FHIT: variants seen among roughly 807,000 people sequenced by gnomAD.
The protein encoded by FHIT is bis(5'-adenosyl)-triphosphatase.
Under a neutral mutation model 17.9 loss-of-function variants are expected in FHIT, and 19 were observed. The ratio of observed to expected loss-of-function variants is 1.06; its 90% CI spans 0.74 to 1.56. The LOEUF (loss-of-function observed/expected upper bound fraction) is 1.56, where lower values mean the gene tolerates loss of function less well. Among genes scored for constraint, FHIT ranks in the 40% most tolerant of loss-of-function variants. FHIT has a pLI of 0.00. For missense variants in FHIT, 248 were observed against 189.2 expected (o/e 1.31, Z -1.82); for synonymous variants, 81 against 69.7 (o/e 1.16, Z -0.81).
chr3:60,504,733 T>C (rs2034660005), intron 5 of FHIT, among the ~76,000 whole-genome samples: 1 of 152,182 alleles, frequency 6.6e-6, no homozygotes. Flanking sequence ...GATTTTTTAA[T>C]TGTGAGAAGG....
At chr3:60,641,528 G>A (rs2039724322) in intron 4 of FHIT, among the ~76,000 whole-genome samples, 2 of 152,248 alleles carry the variant, frequency 1.3e-5, no homozygotes, top group African/African-American at 2.4e-5. Flanking sequence ...TGACAAGCAT[G>A]AAAAGAATGA....
intron 2 of FHIT, among the ~76,000 whole-genome samples, chr3:61,166,426 A>G (rs1005998864): frequency 1.3e-5 from 2 of 152,162 alleles, no homozygotes; most frequent in African/African-American, 2.4e-5. Context: ...CACCAGACAC[A>G]CTGTAGAGTA....
intron 5 of FHIT, among the ~76,000 whole-genome samples, chr3:60,393,427 T>C (rs938342246): frequency 6.7e-6 from 1 of 149,620 alleles, no homozygotes; most frequent in Admixed American, 6.7e-5. Context: ...TATATAATTT[T>C]ACATATAACT....
chr3:60,602,319 C>T (rs2038469738), intron 4 of FHIT, among the ~76,000 whole-genome samples: 1 of 152,140 alleles, frequency 6.6e-6, no homozygotes, highest in African/African-American at 2.4e-5. Context: ...GAAAATCAGC[C>T]TGGCCTCACA....
chr3:59,916,015 T>C (rs1245602211), intron 8 of FHIT, among the ~76,000 whole-genome samples: 1 of 152,058 alleles, frequency 6.6e-6, no homozygotes, highest in African/African-American at 2.4e-5. Flanking sequence ...GTCAACTTGA[T>C]TGGACTGAAG....
At chr3:59,847,028 T>C (rs948984745) in intron 8 of FHIT, among the ~76,000 whole-genome samples, 6 of 152,192 alleles carry the variant, frequency 3.9e-5, no homozygotes, top group East Asian at 1.9e-4. Flanking sequence ...TGACTTTCAA[T>C]AGTAGTATTT....
chr3:60,158,266 C>T (rs191242192), intron 5 of FHIT, among the ~76,000 whole-genome samples: 2 of 152,054 alleles, frequency 1.3e-5, no homozygotes, highest in African/African-American at 4.8e-5. Flanking sequence ...CTCAAGAAAA[C>T]CCACTCTGAG....
In FHIT at chr3:60,377,523, G is replaced by A. The variant is rs374788923; in HGVS notation, c.103+159337C>T. Reference sequence around the variant, plus strand: ...GGAGTCTCGCTCTGTCGCCCAGGCCGGACTGCGGACTGCAGTGGCGCAATC... The same window carrying A: ...GGAGTCTCGCTCTGTCGCCCAGGCCAGACTGCGGACTGCAGTGGCGCAATC... On this transcript the variant is annotated intron_variant, in intron 5 of 9. Transcript: ENST00000492590. Among the ~76,000 whole-genome samples the A allele has an allele frequency of 1.9e-3, 241 of 126,546 alleles. 3 individuals are homozygous for A. The highest frequency in any genetic ancestry group is 6.5e-3 in the Middle Eastern group (1 of 154). 83.0% of individuals were successfully genotyped at this position (126,546 alleles called of 152,430 possible).
chr3:60,669,577 A>C (rs1553693355), intron 4 of FHIT, among the ~76,000 whole-genome samples: 3 of 152,186 alleles, frequency 2.0e-5, no homozygotes, highest in African/African-American at 7.2e-5. Flanking sequence ...GAACATGATG[A>C]ATTTTCTTTT....
At chr3:60,976,429 C>G (rs985286621) in intron 3 of FHIT, among the ~76,000 whole-genome samples, 1 of 151,956 alleles carries the variant, frequency 6.6e-6, no homozygotes, top group African/African-American at 2.4e-5. Context: ...TTGAAACAAC[C>G]CAATGCAAGC....
intron 3 of FHIT, among the ~76,000 whole-genome samples, chr3:60,880,702 A>C (rs1187443532): frequency 6.6e-6 from 1 of 152,166 alleles, no homozygotes; most frequent in Non-Finnish European, 1.5e-5. Context: ...ATTGCATTCC[A>C]GCCTGGGCAA....
intron 5 of FHIT, among the ~76,000 whole-genome samples, chr3:60,335,565 G>A (rs9878446): frequency 0.19 from 28,931 of 151,952 alleles, 3,154 homozygotes; most frequent in African/African-American, 0.3. Context: ...ATGCGGTTCA[G>A]GAGGGTAACC....
chr3:59,919,084 T>C (rs902096528), intron 8 of FHIT, among the ~76,000 whole-genome samples: 1 of 152,120 alleles, frequency 6.6e-6, no homozygotes, highest in Non-Finnish European at 1.5e-5. Flanking sequence ...GCAATACTGA[T>C]CACAAAAAAC....
chr3:60,764,171 T>C (rs1699764948), intron 4 of FHIT, among the ~76,000 whole-genome samples: 1 of 152,064 alleles, frequency 6.6e-6, no homozygotes, highest in South Asian at 2.1e-4. Context: ...ACTCCCACCA[T>C]TCCTGAGGGG....
intron 5 of FHIT, among the ~76,000 whole-genome samples, chr3:60,250,197 C>A (rs1279227286): frequency 1.3e-5 from 2 of 152,058 alleles, no homozygotes; most frequent in Non-Finnish European, 1.5e-5. Context: ...TAAAGTCGCA[C>A]CTACAGCTGA....
At chr3:61,120,399 G>A (rs1335811469) in intron 2 of FHIT, among the ~76,000 whole-genome samples, 1 of 152,142 alleles carries the variant, frequency 6.6e-6, no homozygotes, top group East Asian at 1.9e-4. Context: ...CAATCTATAT[G>A]CCAAGCTTTT....
At chr3:60,505,526 G>T (rs997187977) in intron 5 of FHIT, among the ~76,000 whole-genome samples, 1 of 152,104 alleles carries the variant, frequency 6.6e-6, no homozygotes, top group East Asian at 1.9e-4. Context: ...TTTTTAAGCC[G>T]TTTGTAACTA....
chr3:60,380,688 C>A (rs780341909), intron 5 of FHIT, among the ~76,000 whole-genome samples: 102 of 152,150 alleles, frequency 6.7e-4, no homozygotes, highest in Non-Finnish European at 1.1e-3. Context: ...TATTTTCCAT[C>A]TTTTCAGACC....
intron 4 of FHIT, among the ~76,000 whole-genome samples, chr3:60,687,729 C>T (rs1418366506): frequency 6.6e-6 from 1 of 151,896 alleles, no homozygotes; most frequent in Non-Finnish European, 1.5e-5. Flanking sequence ...TTATTTGACC[C>T]ATGAAAGATC....
Sources: allele counts gnomAD v4.1 joint callset (sites outside exome capture counted in the v4.1 genomes callset), GRCh38; gene constraint gnomAD v4.1.1; transcripts MANE v1.5; gene names NCBI Gene and HGNC (gene_info 2026-07-23, HGNC 2026-07-21).